The following RUNDC3B variants were observed in gnomAD, a reference collection of about 807,000 sequenced individuals.
The protein encoded by RUNDC3B is RUN domain-containing protein 3B.
A neutral mutation model predicts 58.4 loss-of-function variants in RUNDC3B; 33 were observed. The observed-to-expected ratio is 0.56, with a 90% CI of 0.43 to 0.75. RUNDC3B has a LOEUF of 0.75. Ranked by LOEUF, RUNDC3B falls within the 30% of genes least tolerant of loss-of-function variation. The pLI is 0.00. For synonymous variants in RUNDC3B, 193 were observed against 195.2 expected (o/e 0.99, Z 0.10); for missense variants, 501 against 535.7 (o/e 0.94, Z 0.64).
chr7:87,737,213 G>T (rs78166846), intron 4 of RUNDC3B, among the ~76,000 whole-genome samples: 280 of 151,548 alleles, frequency 1.8e-3, no homozygotes, highest in Non-Finnish European at 3.3e-3. Flanking sequence ...ATTTTCTTTA[G>T]AACAAAAAAT....
At chr7:87,689,649 T>G (rs138400428) in intron 2 of RUNDC3B, among the ~76,000 whole-genome samples, 1 of 152,296 alleles carries the variant, frequency 6.6e-6, no homozygotes, top group East Asian at 1.9e-4. Flanking sequence ...GGGGAAAGAT[T>G]ACACAATTTA....
chr7:87,643,250 A>C (rs1328758762), intron 1 of RUNDC3B, among the ~76,000 whole-genome samples: 2 of 152,008 alleles, frequency 1.3e-5, no homozygotes, highest in Non-Finnish European at 2.9e-5. Context: ...ACATTGCGTA[A>C]AATTTTTTGA....
chr7:87,729,128 A>G (rs568782276), intron 4 of RUNDC3B, among the ~76,000 whole-genome samples: 2 of 152,148 alleles, frequency 1.3e-5, no homozygotes, highest in Non-Finnish European at 2.9e-5. Flanking sequence ...ACACCTTACT[A>G]TTTGAGGAAG....
chr7:87,707,604 G>A (rs1223999054), intron 3 of RUNDC3B, among the ~76,000 whole-genome samples: 1 of 152,052 alleles, frequency 6.6e-6, no homozygotes, highest in Non-Finnish European at 1.5e-5. Flanking sequence ...AGCTTGTGAG[G>A]CAGAGGTTGC....
intron 10 of RUNDC3B, 31 bp from the exon 11 acceptor site, chr7:87,829,850 CAATT>C (rs763677237): frequency 9.6e-6 from 14 of 1,451,394 alleles, no homozygotes; most frequent in Non-Finnish European, 1.1e-5. Flanking sequence ...TCTTGAAGGG[CAATT>C]AATTATTTGC....
At chr7:87,629,888 A>C (rs902027043) in intron 1 of RUNDC3B, among the ~76,000 whole-genome samples, 14 of 150,792 alleles carry the variant, frequency 9.3e-5, no homozygotes, top group Non-Finnish European at 1.8e-4. Flanking sequence ...ACGTCATTGC[A>C]CTCCAGCCGG....
chr7:87,803,455 T>C (rs2130927665), intron 8 of RUNDC3B, among the ~76,000 whole-genome samples: 1 of 152,296 alleles, frequency 6.6e-6, no homozygotes, highest in South Asian at 2.1e-4. Flanking sequence ...GTCAACATAA[T>C]TACATATAAG....
intron 4 of RUNDC3B, chr7:87,713,462 C>G (rs183282100): frequency 6.6e-6 from 1 of 152,170 alleles, no homozygotes; most frequent in East Asian, 1.9e-4. Context: ...ATGACTATGG[C>G]TCCAAAGCAT....
At chr7:87,822,233 G>A (rs1051401149) in intron 10 of RUNDC3B, among the ~76,000 whole-genome samples, 1 of 152,178 alleles carries the variant, frequency 6.6e-6, no homozygotes, top group African/African-American at 2.4e-5. Flanking sequence ...CGAAGGACAT[G>A]AACAGACACT....
intron 8 of RUNDC3B, among the ~76,000 whole-genome samples, chr7:87,778,175 G>A (rs942108871): frequency 6.6e-6 from 1 of 152,104 alleles, no homozygotes; most frequent in African/African-American, 2.4e-5. Flanking sequence ...TGGTGCAGTG[G>A]CTCATATCTG....
chr7:87,754,884 T>G (rs765376602), intron 6 of RUNDC3B, among the ~76,000 whole-genome samples: 4 of 142,966 alleles, frequency 2.8e-5, no homozygotes, highest in Non-Finnish European at 6.0e-5. Context: ...AGAAATTGAT[T>G]ACCTGAACAG....
intron 8 of RUNDC3B, among the ~76,000 whole-genome samples, chr7:87,785,270 C>T (rs191729425): frequency 5.3e-4 from 81 of 151,994 alleles, no homozygotes; most frequent in African/African-American, 1.6e-3. Context: ...GCAGAAGGTA[C>T]GACTGGTCAA....
intron 8 of RUNDC3B, among the ~76,000 whole-genome samples, chr7:87,803,566 A>G (rs1043458973): frequency 3.3e-5 from 5 of 152,230 alleles, no homozygotes; most frequent in African/African-American, 1.2e-4. Flanking sequence ...CTAGAAGCCT[A>G]TTAGAAGCGG....
At chr7:87,797,832 G>A (rs1418481352) in intron 8 of RUNDC3B, among the ~76,000 whole-genome samples, 2 of 152,030 alleles carry the variant, frequency 1.3e-5, no homozygotes, top group Non-Finnish European at 2.9e-5. Context: ...ACTCGTTACA[G>A]TTAGAATTCT....
chr7:87,703,914 G>GTTTTT (rs35797972), intron 3 of RUNDC3B, among the ~76,000 whole-genome samples: 493 of 42,968 alleles, frequency 0.011, 1 homozygote, highest in Non-Finnish European at 0.012. Flanking sequence ...TTTTTTTTTG[G>GTTTTT]TTTTTTTTTT....
At chr7:87,660,575 CTGTTT>C (rs1403809275) in intron 2 of RUNDC3B, among the ~76,000 whole-genome samples, 1 of 151,646 alleles carries the variant, frequency 6.6e-6, no homozygotes, top group Non-Finnish European at 1.5e-5. Context: ...AGAGATTTGT[CTGTTT>C]TATTAGTCTT....
chr7:87,673,701 T>C (rs1171322585), intron 2 of RUNDC3B, among the ~76,000 whole-genome samples: 1 of 152,228 alleles, frequency 6.6e-6, no homozygotes, highest in African/African-American at 2.4e-5. Context: ...TTCTGAATTC[T>C]ATGTCACTCA....
intron 9 of RUNDC3B, among the ~76,000 whole-genome samples, chr7:87,809,910 C>G (rs1260569456): frequency 6.6e-6 from 1 of 152,140 alleles, no homozygotes; most frequent in Non-Finnish European, 1.5e-5. Context: ...TTGATTTGAC[C>G]AATACCTTAA....
chr7:87,727,135 G>A (rs1831283727), intron 4 of RUNDC3B, among the ~76,000 whole-genome samples: 1 of 152,194 alleles, frequency 6.6e-6, no homozygotes, highest in Non-Finnish European at 1.5e-5. Context: ...TTGAATAGGA[G>A]TGGTGAGAGA....
Sources: gnomAD v4.1 joint callset for allele counts (sites outside exome capture counted in the v4.1 genomes callset) on GRCh38, gnomAD v4.1.1 for gene constraint, MANE v1.5 for transcripts, NCBI Gene and HGNC (gene_info 2026-07-23, HGNC 2026-07-21) for gene names.